DAB1: variants seen among roughly 807,000 people sequenced by gnomAD.
DAB1 encodes disabled homolog 1.
Under a neutral mutation model 64.6 loss-of-function variants are expected in DAB1, and 15 were observed. The ratio of observed to expected loss-of-function variants is 0.23; its 90% CI spans 0.16 to 0.36. The LOEUF (loss-of-function observed/expected upper bound fraction) is 0.36. DAB1 is among the 10% of genes least tolerant of loss of function. The pLI, the probability that DAB1 is intolerant of heterozygous loss-of-function variation, is 1.00. For missense variants in DAB1, 596 were observed against 706.7 expected, an observed-to-expected ratio of 0.84 and a Z score of 1.78; for synonymous variants, 235 against 251.9, an observed-to-expected ratio of 0.93 and a Z score of 0.64.
intron 1 of DAB1, among the ~76,000 whole-genome samples, chr1:57,315,885 C>A (rs267640): frequency 6.6e-6 from 1 of 152,102 alleles, no homozygotes; most frequent in Non-Finnish European, 1.5e-5. Context: ...CTCCTCCCAC[C>A]ACTGTTATTG....
intron 5 of DAB1, among the ~76,000 whole-genome samples, chr1:58,038,254 A>G (rs1647077710): frequency 6.6e-6 from 1 of 152,180 alleles, no homozygotes; most frequent in Non-Finnish European, 1.5e-5. Context: ...TGGGCATTCC[A>G]GGACACATTT....
At chr1:58,470,971 G>A (rs1288332726) in intron 3 of DAB1, among the ~76,000 whole-genome samples, 2 of 152,176 alleles carry the variant, frequency 1.3e-5, no homozygotes, top group Non-Finnish European at 2.9e-5. Flanking sequence ...CAAGCTGTGT[G>A]ACAGAGGGGA....
At chr1:58,437,039 C>G (rs922304582) in intron 3 of DAB1, among the ~76,000 whole-genome samples, 1 of 152,220 alleles carries the variant, frequency 6.6e-6, no homozygotes, top group African/African-American at 2.4e-5. Flanking sequence ...CCTGCAGCCA[C>G]CCTCTGTGTA....
chr1:57,034,945 T>C lies in DAB1; in HGVS notation c.724-8902A>G, dbSNP rs373062839. Among the ~76,000 whole-genome samples, 204 of 152,334 alleles carry C rather than the reference T, an allele frequency of 1.3e-3. 2 individuals are homozygous for C. The highest frequency in any genetic ancestry group is 4.7e-3 in the African/African-American group (197 of 41,570). On this transcript the variant is annotated intron_variant, in intron 9 of 14. Transcript: ENST00000371236. ...GAGCAGAGCAGAGTGGAAGAATCAA[T>C]GTGCCCAGGCCCTCTAAGGCAGAGC... is the stretch of plus-strand genomic sequence containing the variant.
chr1:57,965,568 A>G (rs918703264), intron 5 of DAB1, among the ~76,000 whole-genome samples: 11 of 152,156 alleles, frequency 7.2e-5, no homozygotes, highest in Non-Finnish European at 1.5e-4. Flanking sequence ...ATGATTTCCA[A>G]TTGTATTGTT....
At chr1:57,357,879 A>T (rs2100885181) in intron 1 of DAB1, among the ~76,000 whole-genome samples, 1 of 152,086 alleles carries the variant, frequency 6.6e-6, no homozygotes, top group African/African-American at 2.4e-5. Flanking sequence ...ACCTCCCACC[A>T]GATCCCTCCC....
chr1:58,143,044 T>G (rs1654375664), intron 5 of DAB1, among the ~76,000 whole-genome samples: 1 of 152,140 alleles, frequency 6.6e-6, no homozygotes, highest in African/African-American at 2.4e-5. Flanking sequence ...ACCTACTGAT[T>G]AGAAACTCCG....
chr1:58,140,222 G>A (rs1459914188), intron 5 of DAB1, among the ~76,000 whole-genome samples: 4 of 152,172 alleles, frequency 2.6e-5, no homozygotes, highest in Admixed American at 2.6e-4. Context: ...CTCAATAGAA[G>A]AATGATACTT....
intron 1 of DAB1, among the ~76,000 whole-genome samples, chr1:57,843,813 C>T (rs1653158154): frequency 6.6e-6 from 1 of 152,064 alleles, no homozygotes; most frequent in Non-Finnish European, 1.5e-5. Flanking sequence ...ATCTCTTTTC[C>T]TTTGCTTTCT....
chr1:57,880,746 T>G (rs996260440), intron 1 of DAB1: 1 of 152,230 alleles, frequency 6.6e-6, no homozygotes, highest in African/African-American at 2.4e-5. Context: ...TTATGGATAC[T>G]TGCTCAAGCA....
chr1:57,714,435 T>G (rs1466358740), intron 6 of DAB1, among the ~76,000 whole-genome samples: 5 of 152,158 alleles, frequency 3.3e-5, no homozygotes, highest in Non-Finnish European at 2.9e-5. Flanking sequence ...TGGAAGAACC[T>G]CAGGGTGATA....
chr1:57,975,858 C>T lies in DAB1; in HGVS notation n.388-91696G>A, dbSNP rs148399209. On this transcript the variant is annotated intron_variant and non_coding_transcript_variant, in intron 5 of 20. Transcript: ENST00000485760. ...TGAATAAAAACCAAGCTGTCCAGTCCGTAACACTACAAATGTGCTTTTGAC... is the reference window on the plus strand; with the variant it reads ...TGAATAAAAACCAAGCTGTCCAGTCTGTAACACTACAAATGTGCTTTTGAC... Among the ~76,000 whole-genome samples the T allele has an allele frequency of 5.9e-5, 9 of 152,270 alleles. No homozygotes were observed. The East Asian group carries it at 1.4e-3, about 23-fold the overall frequency.
At chr1:57,320,872 C>G (rs1341456281) in intron 1 of DAB1, among the ~76,000 whole-genome samples, 1 of 152,120 alleles carries the variant, frequency 6.6e-6, no homozygotes, top group East Asian at 1.9e-4. Flanking sequence ...TAAATTGCCC[C>G]AGGTTACAGG....
chr1:57,585,855 C>G (rs1279837385), intron 7 of DAB1, among the ~76,000 whole-genome samples: 1 of 152,150 alleles, frequency 6.6e-6, no homozygotes, highest in Non-Finnish European at 1.5e-5. Context: ...ATGCCAAACA[C>G]TTATTTTAAA....
rs780740164 is a variant in DAB1 at position 58,063,943 on chromosome 1, C to G, written n.387+86568G>C. Among the ~76,000 whole-genome samples the G allele has an allele frequency of 7.2e-5, 11 of 152,214 alleles. No homozygotes were observed. In the South Asian group the frequency reaches 2.1e-3, roughly 29 times the overall value. On this transcript the variant is annotated intron_variant and non_coding_transcript_variant, in intron 5 of 20. Coordinates refer to the DAB1 transcript ENST00000485760. Reference sequence around the variant, plus strand: ...ATACATGAAATTGCATGTGTAAAAGCATTTGTTGAAAATCAAAAAGTATTG... The same window carrying G: ...ATACATGAAATTGCATGTGTAAAAGGATTTGTTGAAAATCAAAAAGTATTG...
chr1:57,088,948 C>T (rs192564089), intron 4 of DAB1, among the ~76,000 whole-genome samples: 83 of 152,292 alleles, frequency 5.5e-4, no homozygotes, highest in Non-Finnish European at 6.8e-4. Flanking sequence ...GCTAGAGGAC[C>T]GGAACGGTGA....
chr1:58,397,030 A>G (rs930230305), intron 3 of DAB1, among the ~76,000 whole-genome samples: 2 of 151,266 alleles, frequency 1.3e-5, no homozygotes, highest in Non-Finnish European at 2.9e-5. Flanking sequence ...GCACTACTGC[A>G]CTCTAGCCTG....
chr1:57,659,081 C>T (rs1484488206), intron 6 of DAB1, among the ~76,000 whole-genome samples: 2 of 152,238 alleles, frequency 1.3e-5, no homozygotes, highest in Middle Eastern at 3.4e-3. Context: ...TCTTTTGCCC[C>T]ATGACCTGAT....
intron 2 of DAB1, among the ~76,000 whole-genome samples, chr1:57,233,031 T>C (rs374604153): frequency 1.3e-5 from 2 of 152,208 alleles, no homozygotes; most frequent in Admixed American, 6.5e-5. Flanking sequence ...CTGTGTAGGC[T>C]GTCCTGAGAA....
Sources: gnomAD v4.1 joint callset for allele counts (sites outside exome capture counted in the v4.1 genomes callset) on GRCh38, gnomAD v4.1.1 for gene constraint, MANE v1.5 for transcripts, NCBI Gene and HGNC (gene_info 2026-07-23, HGNC 2026-07-21) for gene names.